C2CD2: variants seen among roughly 807,000 people sequenced by gnomAD.
C2CD2 encodes C2 calcium dependent domain containing 2.
C2CD2 carries 43 observed loss-of-function variants against 74.3 expected under a neutral mutation model. The observed-to-expected ratio is 0.58, with a 90% CI of 0.45 to 0.75. The LOEUF (loss-of-function observed/expected upper bound fraction) is 0.75. Among genes scored for constraint, C2CD2 ranks in the 30% least tolerant of loss-of-function variants. The pLI, the probability that C2CD2 is intolerant of heterozygous loss-of-function variation, is 0.00. For missense variants in C2CD2, 801 were observed against 916.3 expected (o/e 0.87, Z 1.63); for synonymous variants, 422 against 390.7 (o/e 1.08, Z -0.94).
intron 2 of C2CD2, among the ~76,000 whole-genome samples, chr21:41,938,709 G>C (rs117465011): frequency 6.6e-6 from 1 of 150,458 alleles, no homozygotes; most frequent in South Asian, 2.1e-4. Flanking sequence ...GTTCATCCAC[G>C]TTATAGCCTA....
rs1569075885 is a variant in C2CD2, at chr21:41,926,495, G to A, written c.379-4410C>T. On this transcript the variant is annotated intron_variant, in intron 2 of 13. Transcript: ENST00000380486. This position sits in a 1 kb window ranked among gnomAD's most constrained non-coding sequence, Gnocchi z 8.0. The stretch of plus-strand genomic sequence containing the variant: ...AACAAGACTGAAGGCTGAAGAGCAG[G>A]CTGAGCGGGGAGGCCTTCATTCACC... 1 of 717,014 alleles carries A rather than the reference G, an allele frequency of 1.4e-6. No individual in the cohort carries two copies. Among genetic ancestry groups the A allele is most frequent in the Non-Finnish European group, 1.7e-6 (1 of 584,704 alleles). 44.4% of individuals were successfully genotyped at this position (717,014 alleles called of 1,614,324 possible).
chr21:41,949,012 T>C (rs2065428374), intron 1 of C2CD2, among the ~76,000 whole-genome samples: 1 of 151,560 alleles, frequency 6.6e-6, no homozygotes, highest in African/African-American at 2.4e-5. Context: ...ACCCTCCTAG[T>C]CCGGGGCCTC....
chr21:41,920,979 C>A (rs989456288), intron 3 of C2CD2, among the ~76,000 whole-genome samples: 3 of 152,232 alleles, frequency 2.0e-5, no homozygotes, highest in South Asian at 2.1e-4. Flanking sequence ...GAACGCCTCA[C>A]AAATCCACGA....
At chr21:41,921,837 G>A in intron 3 of C2CD2, 135 bp downstream of exon 3, 1 of 630,984 alleles carries the variant, frequency 1.6e-6, no homozygotes, top group Non-Finnish European at 2.9e-6. Flanking sequence ...AAAGGTTACA[G>A]TTTGAAAATT....
chr21:41,949,490 T>C (rs9978540), intron 1 of C2CD2, among the ~76,000 whole-genome samples: 109,146 of 152,010 alleles, frequency 0.72, 41,189 homozygotes, highest in Non-Finnish European at 0.84. Context: ...GCTCAAACAA[T>C]TGCTTTTACG....
chr21:41,953,759 GC>G lies in C2CD2; in HGVS notation c.-112del. 1 of 1,050,100 alleles carries G rather than the reference GC, an allele frequency of 9.5e-7. No individual in the cohort carries two copies. The allele number at this position is 1,050,100 out of a possible 1,614,324, so 65.0% of individuals were successfully genotyped here. On this transcript the variant is annotated 5_prime_UTR_variant, in exon 1 of 14. Coordinates refer to ENST00000380486, the MANE Select transcript of C2CD2 (RefSeq NM_015500.2). ...ACAGCGCGCTGGGGGCGTGGAGGGG[GC>G]GCGGCGGGGTCGGAGCCCGGCGAGG...
rs2065470718 is a variant in C2CD2, at chr21:41,953,748, G to A, written c.-100C>T. ...TGGCTGCGGCCACAGCGCGCTGGGG[G>A]CGTGGAGGGGGCGCGGCGGGGTCGG... On this transcript the variant is annotated 5_prime_UTR_variant, in exon 1 of 14. Coordinates refer to ENST00000380486, the MANE Select transcript of C2CD2 (RefSeq NM_015500.2). 3.6e-6 allele frequency: 4 copies of A among 1,121,830 alleles called. No individual in the cohort carries two copies. Among genetic ancestry groups the A allele is most frequent in the African/African-American group, 3.2e-5 (2 of 61,564 alleles). 69.5% of individuals were successfully genotyped at this position (1,121,830 alleles called of 1,614,324 possible).
rs1485446395 is a variant in C2CD2, at chr21:41,895,600, GAGA to G, written c.1870+3450_1870+3452del. Among the ~76,000 whole-genome samples the G allele has an allele frequency of 1.3e-5, 2 of 152,152 alleles. No homozygotes were observed. Among genetic ancestry groups the G allele is most frequent in the African/African-American group, 4.8e-5 (2 of 41,424 alleles). On this transcript the variant is annotated intron_variant, in intron 13 of 13. Coordinates refer to ENST00000380486, the MANE Select transcript of C2CD2 (RefSeq NM_015500.2). The surrounding 1 kb of genome is among the most constrained non-coding windows in gnomAD (Gnocchi z 5.0). ...ACCAAGATTTTAAATGGGAGACAGG[GAGA>G]AGAAGAAAAGTCTTTCCCTGGTTCT...
chr21:41,942,778 C>A lies in C2CD2; in HGVS notation c.280-533G>T, dbSNP rs376086283. 2.0e-4 allele frequency: 32 copies of A among 158,830 alleles called. No individual in the cohort carries two copies. The South Asian group carries it at 4.3e-3, about 21-fold the overall frequency. 9.8% of individuals were successfully genotyped at this position (158,830 alleles called of 1,614,324 possible). A position where few individuals can be genotyped will look rare whatever the true frequency, so the allele number is the denominator to read the frequency against. On this transcript the variant is annotated intron_variant, in intron 1 of 13. Transcript: ENST00000380486. ...TGCCCCCCATTCTCCTCTCCTACCC[C>A]CCAGGGGCTGGCCTCTCCCTGGGAT... is the stretch of plus-strand genomic sequence containing the variant.
At chr21:41,943,896 G>C (rs923653349) in intron 1 of C2CD2, among the ~76,000 whole-genome samples, 1 of 152,166 alleles carries the variant, frequency 6.6e-6, no homozygotes, top group Admixed American at 6.5e-5. Flanking sequence ...TGCTCTGCTG[G>C]CATTCTCTGT....
chr21:41,948,870 C>CTGTTTTTTTTTTT (rs2065424499), intron 1 of C2CD2, among the ~76,000 whole-genome samples: 1 of 80,686 alleles, frequency 1.2e-5, no homozygotes, highest in Non-Finnish European at 2.3e-5. Flanking sequence ...CACACAGCAT[C>CTGTTTTTTTTTTT]TTTTTTTTTT....
intron 1 of C2CD2, among the ~76,000 whole-genome samples, chr21:41,944,323 T>C (rs1445735385): frequency 6.6e-6 from 1 of 151,918 alleles, no homozygotes; most frequent in Non-Finnish European, 1.5e-5. Flanking sequence ...CCATCCTGGC[T>C]AACATGGTGA....
At chr21:41,938,940 C>G (rs2065332306) in intron 2 of C2CD2, among the ~76,000 whole-genome samples, 1 of 152,056 alleles carries the variant, frequency 6.6e-6, no homozygotes, top group African/African-American at 2.4e-5. Context: ...GATGGGGTTT[C>G]ACCATGTTGG....
chr21:41,939,629 G>A lies in C2CD2; in HGVS notation c.378+2518C>T, dbSNP rs900643751. Among the ~76,000 whole-genome samples, 3 of 152,192 alleles carry A rather than the reference G, an allele frequency of 2.0e-5. No individual in the cohort carries two copies. The highest frequency in any genetic ancestry group is 1.9e-4 in the East Asian group (1 of 5,194). ...CAGGGCCCTCCCAGCTCTCCAGGCT[G>A]TGCCAGTCTCAGCATCCCGCACCGC... is the stretch of plus-strand genomic sequence containing the variant. On this transcript the variant is annotated intron_variant, in intron 2 of 13. Coordinates refer to ENST00000380486, the MANE Select transcript of C2CD2 (RefSeq NM_015500.2). This position sits in a 1 kb window ranked among gnomAD's most constrained non-coding sequence, Gnocchi z 5.5.
chr21:41,944,809 C>G (rs1248328117), intron 1 of C2CD2, among the ~76,000 whole-genome samples: 1 of 152,126 alleles, frequency 6.6e-6, no homozygotes, highest in East Asian at 1.9e-4. Flanking sequence ...AAGAAACACA[C>G]AAGAATTGCC....
intron 7 of C2CD2, chr21:41,912,094 C>T (rs868058570): frequency 3.1e-5 from 14 of 446,316 alleles, no homozygotes; most frequent in Middle Eastern, 5.8e-4. Context: ...AGAGACCCCA[C>T]GATGGCTCCC....
rs1320193609 is a variant in C2CD2, at chr21:41,925,713, C to T, written c.379-3628G>A. Among the ~76,000 whole-genome samples, 12 of 152,312 alleles carry T rather than the reference C, an allele frequency of 7.9e-5. No homozygotes were observed. In the East Asian group the frequency reaches 2.1e-3, roughly 27 times the overall value. ...GGGATTAAATTCTCCCAACCCATGCCAACAGTGGCAGGGCCCCCACGGGCT... is the reference window on the plus strand; with the variant it reads ...GGGATTAAATTCTCCCAACCCATGCTAACAGTGGCAGGGCCCCCACGGGCT... On this transcript the variant is annotated intron_variant, in intron 2 of 13. Coordinates refer to ENST00000380486, the MANE Select transcript of C2CD2 (RefSeq NM_015500.2).
At chr21:41,935,995 T>C (rs906185542) in intron 2 of C2CD2, among the ~76,000 whole-genome samples, 6 of 136,696 alleles carry the variant, frequency 4.4e-5, no homozygotes, top group Admixed American at 2.1e-4. Flanking sequence ...ATAAAACTAC[T>C]AGAAAAAAAA....
intron 6 of C2CD2, 53 bp from the exon 7 acceptor site, chr21:41,912,493 ATTTTT>A (rs71319914): frequency 1.0e-5 from 6 of 599,892 alleles, no homozygotes; most frequent in Middle Eastern, 5.1e-4. Context: ...TTATTTATTT[ATTTTT>A]TTTTTTTTTT....
Sources: allele counts gnomAD v4.1 joint callset (sites outside exome capture counted in the v4.1 genomes callset), GRCh38; gene constraint gnomAD v4.1.1; non-coding constraint Gnocchi (gnomAD v3.1); transcripts MANE v1.5; gene names NCBI Gene and HGNC (gene_info 2026-07-23, HGNC 2026-07-21).